DENND6A: variants seen among roughly 807,000 people sequenced by gnomAD.
DENND6A encodes DENN domain containing 6A.
A neutral mutation model predicts 95.5 loss-of-function variants in DENND6A; 43 were observed. The ratio of observed to expected loss-of-function variants is 0.45; its 90% CI spans 0.35 to 0.58. The LOEUF is 0.58. DENND6A is among the 20% of genes least tolerant of loss of function. The pLI is 0.00. For synonymous variants in DENND6A, 257 were observed against 260.4 expected, an observed-to-expected ratio of 0.99 and a Z score of 0.13; for missense variants, 574 against 736.0, an observed-to-expected ratio of 0.78 and a Z score of 2.55.
chr3:57,689,620 T>A (rs2077242472), intron 1 of DENND6A, among the ~76,000 whole-genome samples: 1 of 152,042 alleles, frequency 6.6e-6, no homozygotes, highest in Admixed American at 6.6e-5. Flanking sequence ...GGTGAACCAC[T>A]CCCCCTTCTA....
intron 9 of DENND6A, among the ~76,000 whole-genome samples, chr3:57,647,703 G>C (rs181304147): frequency 7.9e-5 from 12 of 152,148 alleles, no homozygotes; most frequent in African/African-American, 2.7e-4. Flanking sequence ...CCTGGAGTAG[G>C]GTAAGCACAC....
In DENND6A at chr3:57,630,824, T is replaced by A; in HGVS notation, c.1408A>T (p.Ser470Cys). ...PLQKSISPWK[S>C]PPQLRQFLPE... ...AGAAACTGTCTTAATTGAGGTGGAC[T>A]CTAGAAAACAGGACATATAATATTT... is the stretch of plus-strand genomic sequence containing the variant. The change falls in exon 17 of 20, where the codon AGT becomes TGT. Residue 470 changes from serine to cysteine, a missense_variant and splice_region_variant. This residue lies in a region of DENND6A where 452 missense variants were observed against 630.9 expected (regional missense o/e 0.72). Transcript: ENST00000311128. 6.2e-7 allele frequency: 1 copy of A among 1,612,824 alleles called. No individual in the cohort carries two copies. Among genetic ancestry groups the A allele is most frequent in the South Asian group, 1.1e-5 (1 of 90,770 alleles).
At chr3:57,691,895 A>C (rs556398483) in intron 1 of DENND6A, among the ~76,000 whole-genome samples, 4 of 151,656 alleles carry the variant, frequency 2.6e-5, no homozygotes, top group African/African-American at 4.8e-5. Flanking sequence ...TCATCTTGAC[A>C]GTAGTTTCAC....
intron 1 of DENND6A, among the ~76,000 whole-genome samples, chr3:57,683,998 C>T (rs774310139): frequency 2.0e-5 from 3 of 151,790 alleles, no homozygotes; most frequent in Non-Finnish European, 4.4e-5. Flanking sequence ...ACTAAAAATA[C>T]AAAAATTAGC....
chr3:57,631,086 G>A, intron 15 of DENND6A, 108 bp from the exon 16 acceptor site: 3 of 907,848 alleles, frequency 3.3e-6, no homozygotes, highest in Non-Finnish European at 5.1e-6. Context: ...CCCTTTCAAT[G>A]GACAGCAACA....
intron 1 of DENND6A, among the ~76,000 whole-genome samples, chr3:57,690,633 G>A (rs956969605): frequency 1.3e-5 from 2 of 149,862 alleles, no homozygotes; most frequent in Non-Finnish European, 2.9e-5. Flanking sequence ...GCAGTGAGCC[G>A]AAATTACACC....
At chr3:57,664,802 C>T (rs2071500902) in intron 4 of DENND6A, among the ~76,000 whole-genome samples, 1 of 152,102 alleles carries the variant, frequency 6.6e-6, no homozygotes, top group African/African-American at 2.4e-5. Flanking sequence ...CACTGCACTC[C>T]AGCCTGGTGA....
intron 15 of DENND6A, among the ~76,000 whole-genome samples, chr3:57,631,685 A>G (rs1389311546): frequency 6.6e-6 from 1 of 151,256 alleles, no homozygotes; most frequent in Non-Finnish European, 1.5e-5. Context: ...TAGACTTGAA[A>G]TGAGGTCTAC....
intron 4 of DENND6A, among the ~76,000 whole-genome samples, chr3:57,665,053 T>G (rs983296930): frequency 6.6e-6 from 1 of 151,792 alleles, no homozygotes; most frequent in Non-Finnish European, 1.5e-5. Context: ...GACAGAAAAA[T>G]ACATGCTATC....
chr3:57,675,219 G>A (rs2071689836), intron 1 of DENND6A, among the ~76,000 whole-genome samples: 1 of 152,170 alleles, frequency 6.6e-6, no homozygotes, highest in African/African-American at 2.4e-5. Flanking sequence ...TGGGAGCATT[G>A]AGTAATATTT....
Position 57,628,876 on chromosome 3 carries a change from G to C in DENND6A, c.1630C>G (p.Leu544Val), listed in dbSNP as rs1559801048. The C allele has an allele frequency of 1.2e-6, 2 of 1,612,570 alleles. No individual in the cohort carries two copies. Among genetic ancestry groups the C allele is most frequent in the African/African-American group, 2.7e-5 (2 of 74,862 alleles). The change falls in exon 19 of 20, where the codon CTC (leucine) becomes GTC (valine). Residue 544 changes from leucine (L) to valine (V), a missense_variant. This residue lies in a region of DENND6A where 452 missense variants were observed against 630.9 expected (regional missense o/e 0.72). Transcript: ENST00000311128. ...LEALCEEDLL[L>V]WIQKHTEVET... ...ACTTCTGTGTGTTTCTGGATCCAGA[G>C]AAGTAAGTCCTAGAATAAATAAAGT...
chr3:57,650,608 G>A (rs2071186380), intron 9 of DENND6A, among the ~76,000 whole-genome samples: 1 of 152,018 alleles, frequency 6.6e-6, no homozygotes, highest in Non-Finnish European at 1.5e-5. Context: ...TGGTTCTAGG[G>A]CTTGGGAAGA....
At chr3:57,651,739 G>A (rs1559815425) in intron 9 of DENND6A, among the ~76,000 whole-genome samples, 1 of 150,218 alleles carries the variant, frequency 6.7e-6, no homozygotes. Context: ...AAGCAAGACA[G>A]TGTTCAAAGA....
chr3:57,646,172 C>G, intron 10 of DENND6A, 144 bp downstream of exon 10: 1 of 1,189,668 alleles, frequency 8.4e-7, no homozygotes, highest in Non-Finnish European at 1.2e-6. Flanking sequence ...TAAGCATTAC[C>G]TTCTGATAGG....
chr3:57,637,045 T>C (rs1025228486), intron 12 of DENND6A, among the ~76,000 whole-genome samples: 47 of 151,608 alleles, frequency 3.1e-4, no homozygotes, highest in African/African-American at 1.1e-3. Context: ...TTGCAGATAA[T>C]GGTAAGGACA....
intron 19 of DENND6A, 122 bp downstream of exon 19, chr3:57,628,689 A>G (rs976906648): frequency 5.0e-6 from 5 of 1,005,268 alleles, no homozygotes; most frequent in Non-Finnish European, 7.4e-6. Flanking sequence ...TCAATTGACC[A>G]ATTTCAAGCC....
At position 57,629,758 on chromosome 3, in the gene DENND6A, G is replaced by A. The variant is rs540334653; in HGVS notation, c.1620+663C>T. ...AGGATGGTCTCCATCTCCTGACCTCGTGATCCACCCACCTCAGCCTCCCAA... is the reference window on the plus strand; with the variant it reads ...AGGATGGTCTCCATCTCCTGACCTCATGATCCACCCACCTCAGCCTCCCAA... On this transcript the variant is annotated intron_variant, in intron 18 of 19. Transcript: ENST00000311128. 5.4e-3 allele frequency among the ~76,000 whole-genome samples: 808 copies of A among 150,620 alleles called. 1 individual carries two copies. The highest frequency in any genetic ancestry group is 9.3e-3 in the Non-Finnish European group (633 of 67,768).
intron 1 of DENND6A, among the ~76,000 whole-genome samples, chr3:57,687,448 T>A (rs2077220992): frequency 6.6e-6 from 1 of 152,172 alleles, no homozygotes. Context: ...AACATAAAAG[T>A]GCAAGGTGAA....
chr3:57,647,187 A>C (rs1465071999), intron 9 of DENND6A, among the ~76,000 whole-genome samples: 2 of 152,246 alleles, frequency 1.3e-5, no homozygotes, highest in Non-Finnish European at 2.9e-5. Context: ...AAAGAAAAGA[A>C]AAATCAAACA....
Sources: allele counts gnomAD v4.1 joint callset (sites outside exome capture counted in the v4.1 genomes callset), GRCh38; gene constraint gnomAD v4.1.1; regional missense constraint gnomAD v4.1.1; transcripts MANE v1.5; gene names NCBI Gene and HGNC (gene_info 2026-07-23, HGNC 2026-07-21).